Variants in ZNF385B observed in about 807,000 individuals in gnomAD.
ZNF385B encodes the protein zinc finger protein 385B.
Under a neutral mutation model 39.2 loss-of-function variants are expected in ZNF385B, and 23 were observed. The observed-to-expected ratio is 0.59, with a 90% CI of 0.42 to 0.83. ZNF385B has a LOEUF of 0.83. Ranked by LOEUF, ZNF385B falls within the 40% of genes least tolerant of loss-of-function variation. The pLI, the probability that ZNF385B is intolerant of heterozygous loss-of-function variation, is 0.00. For synonymous variants in ZNF385B, 205 were observed against 222.6 expected, an observed-to-expected ratio of 0.92 and a Z score of 0.70; for missense variants, 552 against 598.9, an observed-to-expected ratio of 0.92 and a Z score of 0.82.
intron 1 of ZNF385B, among the ~76,000 whole-genome samples, chr2:179,827,206 G>T (rs1247011082): frequency 2.0e-5 from 3 of 152,144 alleles, no homozygotes; most frequent in African/African-American, 7.2e-5. Context: ...AGACTAGTTC[G>T]TGTGGAAAAA....
At chr2:179,506,065 C>T (rs865949699) in intron 5 of ZNF385B, among the ~76,000 whole-genome samples, 8 of 152,124 alleles carry the variant, frequency 5.3e-5, no homozygotes, top group South Asian at 4.1e-4. Context: ...AGTTACATGA[C>T]GGAACTTCCA....
chr2:179,705,717 T>C (rs779717735), intron 3 of ZNF385B, among the ~76,000 whole-genome samples: 3 of 152,354 alleles, frequency 2.0e-5, no homozygotes, highest in Non-Finnish European at 2.9e-5. Flanking sequence ...ACTTTGTCTA[T>C]AACAGATCAG....
At chr2:179,510,616 G>A (rs779378629) in intron 5 of ZNF385B, among the ~76,000 whole-genome samples, 5 of 151,964 alleles carry the variant, frequency 3.3e-5, no homozygotes, top group Non-Finnish European at 7.4e-5. Context: ...CCCTCTAAAG[G>A]CCTTTTTAAG....
intron 3 of ZNF385B, among the ~76,000 whole-genome samples, chr2:179,696,326 C>CTTTTTTGTTTTTTTTTTTTTTT (rs1698746148): frequency 2.5e-5 from 1 of 40,352 alleles, no homozygotes; most frequent in African/African-American, 1.0e-4. Flanking sequence ...CAAACTGGGA[C>CTTTTTTGTTTTTTTTTTTTTTT]TTTTTTTTTT....
At chr2:179,485,374 A>G (rs768476256) in intron 5 of ZNF385B, among the ~76,000 whole-genome samples, 8 of 152,158 alleles carry the variant, frequency 5.3e-5, no homozygotes, top group Non-Finnish European at 1.2e-4. Flanking sequence ...TAAGCCATCT[A>G]AGGTTGATTA....
chr2:179,472,575 G>A (rs772754773), intron 6 of ZNF385B, among the ~76,000 whole-genome samples: 2 of 152,184 alleles, frequency 1.3e-5, no homozygotes, highest in African/African-American at 2.4e-5. Context: ...AAGGAAACAA[G>A]CATGTATTTT....
intron 5 of ZNF385B, among the ~76,000 whole-genome samples, chr2:179,516,392 T>G (rs2105796364): frequency 6.6e-6 from 1 of 152,280 alleles, no homozygotes. Flanking sequence ...CCATTTTGTA[T>G]TCTCACTGAC....
intron 3 of ZNF385B, among the ~76,000 whole-genome samples, chr2:179,705,282 G>A (rs1408960683): frequency 6.6e-6 from 1 of 152,078 alleles, no homozygotes; most frequent in African/African-American, 2.4e-5. Context: ...TATACCTTAG[G>A]ACTACTAGTT....
At chr2:179,447,155 T>C (rs1371925306) in intron 6 of ZNF385B, among the ~76,000 whole-genome samples, 2 of 152,210 alleles carry the variant, frequency 1.3e-5, no homozygotes, top group Non-Finnish European at 2.9e-5. Flanking sequence ...CATTAGGCCA[T>C]GTTAGTTTCA....
chr2:179,464,607 TC>T (rs2051773898), intron 6 of ZNF385B, among the ~76,000 whole-genome samples: 2 of 152,198 alleles, frequency 1.3e-5, no homozygotes, highest in South Asian at 4.1e-4. Flanking sequence ...AAGTAGGGAA[TC>T]TTTTCCCCAT....
intron 3 of ZNF385B, among the ~76,000 whole-genome samples, chr2:179,699,665 G>A (rs1046911225): frequency 2.6e-5 from 4 of 152,144 alleles, no homozygotes; most frequent in African/African-American, 9.7e-5. Flanking sequence ...ATACCCACAT[G>A]ACAACCCTGA....
intron 1 of ZNF385B, among the ~76,000 whole-genome samples, chr2:179,802,013 A>G (rs968062569): frequency 3.9e-5 from 6 of 152,158 alleles, no homozygotes; most frequent in African/African-American, 1.4e-4. Flanking sequence ...CAGTTAAGCT[A>G]TTTCTCAGTA....
chr2:179,701,577 T>G (rs1444577755), intron 3 of ZNF385B, among the ~76,000 whole-genome samples: 1 of 152,228 alleles, frequency 6.6e-6, no homozygotes, highest in Non-Finnish European at 1.5e-5. Flanking sequence ...ATCACACTCT[T>G]AAGCATCAGT....
intron 1 of ZNF385B, among the ~76,000 whole-genome samples, chr2:179,771,065 G>A (rs1163117954): frequency 3.9e-5 from 6 of 152,158 alleles, no homozygotes; most frequent in African/African-American, 1.4e-4. Flanking sequence ...AGGGGTATGT[G>A]TGGGAAAGAA....
rs558710687 is a variant in ZNF385B at position 179,851,394 on chromosome 2, G to A, written c.-155+9707C>T. Among the ~76,000 whole-genome samples, 4 of 152,276 alleles carry A rather than the reference G, an allele frequency of 2.6e-5. No homozygotes were observed. The South Asian group carries it at 6.2e-4, about 24-fold the overall frequency. Reference sequence around the variant, plus strand: ...GAGTCCAGGAGTTGGAGGCTACAGCGAAATATGATTGCACCACTGCATTCC... The same window carrying A: ...GAGTCCAGGAGTTGGAGGCTACAGCAAAATATGATTGCACCACTGCATTCC... On this transcript the variant is annotated intron_variant, in intron 1 of 9. Coordinates refer to ENST00000410066, the MANE Select transcript of ZNF385B (RefSeq NM_152520.6).
Position 179,443,386 on chromosome 2 carries a change from AC to A in ZNF385B, c.1324del (p.Val442CysfsTer26). 6.2e-7 allele frequency: 1 copy of A among 1,611,368 alleles called. No individual in the cohort carries two copies. Among genetic ancestry groups the A allele is most frequent in the Non-Finnish European group, 8.5e-7 (1 of 1,179,216 alleles). ...LSSPLAAAAA[V>X]SSALSLPPRP... ...GGGTGGGAGTGACAGCGCTGAGGAC[AC>A]GGCTGCCGCCGCTGCGAGAGGTGAG... On this transcript the variant is annotated frameshift_variant, in exon 10 of 10. Transcript: ENST00000410066. LOFTEE classifies it low-confidence loss of function (END_TRUNC).
intron 3 of ZNF385B, chr2:179,562,366 AGAT>A (rs1394361176): frequency 2.0e-6 from 2 of 981,622 alleles, no homozygotes; most frequent in Non-Finnish European, 2.4e-6. Flanking sequence ...AAGTTCCTTA[AGAT>A]GTAAATGTGG....
chr2:179,646,670 A>G (rs1692749574), intron 3 of ZNF385B, among the ~76,000 whole-genome samples: 1 of 152,200 alleles, frequency 6.6e-6, no homozygotes, highest in Non-Finnish European at 1.5e-5. Context: ...GTGTAATGAA[A>G]GACACTTTAA....
At chr2:179,646,164 C>G (rs1299664016) in intron 3 of ZNF385B, among the ~76,000 whole-genome samples, 2 of 152,206 alleles carry the variant, frequency 1.3e-5, no homozygotes, top group Admixed American at 1.3e-4. Context: ...CCTGTAATCC[C>G]AGCACTTTGG....
Sources: allele counts gnomAD v4.1 joint callset (sites outside exome capture counted in the v4.1 genomes callset), GRCh38; gene constraint gnomAD v4.1.1; transcripts MANE v1.5; gene names NCBI Gene and HGNC (gene_info 2026-07-23, HGNC 2026-07-21).